CDHR3: variants seen among roughly 807,000 people sequenced by gnomAD.
The protein encoded by CDHR3 is cadherin-related family member 3.
Under a neutral mutation model 86.6 loss-of-function variants are expected in CDHR3, and 79 were observed. That is an observed-to-expected ratio of 0.91 (90% CI 0.76 to 1.10). The LOEUF (loss-of-function observed/expected upper bound fraction) is 1.10, where lower values mean the gene tolerates loss of function less well. CDHR3 is among the 50% of genes least tolerant of loss of function. CDHR3 has a pLI of 0.00. For missense variants in CDHR3, 1,081 were observed against 1,077.6 expected (o/e 1.00, Z -0.04); for synonymous variants, 421 against 402.4 (o/e 1.05, Z -0.55).
intron 1 of CDHR3, among the ~76,000 whole-genome samples, chr7:105,968,114 C>T (rs540454051): frequency 6.6e-6 from 1 of 152,318 alleles, no homozygotes; most frequent in African/African-American, 2.4e-5. Flanking sequence ...ATATAATGTA[C>T]AGAATCACTA....
intron 16 of CDHR3, 178 bp from the exon 17 acceptor site, chr7:106,028,373 T>G (rs73195674): frequency 0.045 from 32,258 of 715,504 alleles, 1,185 homozygotes; most frequent in South Asian, 0.14. Flanking sequence ...GTGTACGTAT[T>G]TTTTTCTGAG....
At chr7:105,992,331 C>T (rs537074048) in intron 4 of CDHR3, among the ~76,000 whole-genome samples, 2 of 152,316 alleles carry the variant, frequency 1.3e-5, no homozygotes, top group South Asian at 2.1e-4. Context: ...TCATATGTAG[C>T]TTAAGGTGCT....
chr7:106,023,037 T>C (rs1053162741), intron 14 of CDHR3, among the ~76,000 whole-genome samples: 1 of 152,210 alleles, frequency 6.6e-6, no homozygotes, highest in African/African-American at 2.4e-5. Flanking sequence ...AGAAAGCTTA[T>C]TGTATAGGCG....
At chr7:105,995,428 C>T (rs6967497) in intron 5 of CDHR3, among the ~76,000 whole-genome samples, 20,357 of 152,186 alleles carry the variant, frequency 0.13, 1,491 homozygotes, top group African/African-American at 0.17. Flanking sequence ...GATGTGGACA[C>T]GGAGAGTGTC....
intron 10 of CDHR3, among the ~76,000 whole-genome samples, chr7:106,015,627 T>C (rs1835491813): frequency 6.6e-6 from 1 of 152,212 alleles, no homozygotes; most frequent in South Asian, 2.1e-4. Context: ...TTTTTGCATA[T>C]GCCTACAACA....
At chr7:106,001,206 T>C (rs1282189906) in intron 6 of CDHR3, among the ~76,000 whole-genome samples, 1 of 152,170 alleles carries the variant, frequency 6.6e-6, no homozygotes, top group Non-Finnish European at 1.5e-5. Flanking sequence ...CAGAGGTGCA[T>C]AGAGTCAGAG....
chr7:105,989,291 C>T (rs1831005235), intron 4 of CDHR3, among the ~76,000 whole-genome samples: 1 of 150,658 alleles, frequency 6.6e-6, no homozygotes, highest in African/African-American at 2.4e-5. Flanking sequence ...CCCACACTCT[C>T]TGCTTCCCCC....
chr7:106,007,895 C>A (rs1164709361), intron 8 of CDHR3, among the ~76,000 whole-genome samples: 1 of 152,166 alleles, frequency 6.6e-6, no homozygotes, highest in African/African-American at 2.4e-5. Flanking sequence ...TAAAGACATA[C>A]CCGAGACTGG....
chr7:105,965,593 T>C (rs1826801555), intron 1 of CDHR3, among the ~76,000 whole-genome samples: 1 of 96,902 alleles, frequency 1.0e-5, no homozygotes, highest in Non-Finnish European at 2.1e-5. Flanking sequence ...TCTTCCTGGA[T>C]TGACCTAGCT....
chr7:105,980,888 G>A, intron 2 of CDHR3, 80 bp from the exon 3 acceptor site: 2 of 1,312,418 alleles, frequency 1.5e-6, no homozygotes, highest in Non-Finnish European at 2.1e-6. Context: ...TCCTTCCTAG[G>A]AATATCCCTT....
chr7:106,028,213 C>A (rs568858219), intron 16 of CDHR3, among the ~76,000 whole-genome samples: 2 of 151,338 alleles, frequency 1.3e-5, no homozygotes, highest in East Asian at 1.9e-4. Flanking sequence ...AAACCCACAC[C>A]TTATGAACAG....
At chr7:105,989,643 T>C (rs1006591931) in intron 4 of CDHR3, among the ~76,000 whole-genome samples, 1 of 152,096 alleles carries the variant, frequency 6.6e-6, no homozygotes. Context: ...GTGTATAAAG[T>C]GGTCATCATA....
At chr7:105,985,533 G>C (rs1830401260) in intron 4 of CDHR3, among the ~76,000 whole-genome samples, 1 of 152,122 alleles carries the variant, frequency 6.6e-6, no homozygotes, top group Non-Finnish European at 1.5e-5. Context: ...AGGAAGAAAT[G>C]AGCCTTGGGA....
rs201638418 is a variant in CDHR3, at chr7:106,015,195, G to GC, written c.1316dup (p.Tyr440LeufsTer3). Reference sequence around the variant, plus strand: ...GGTGATAATCCAGGTGCAGGATGTGGCCCCCCCTTACTATAAAAGCAAGTA... The same window carrying GC: ...GGTGATAATCCAGGTGCAGGATGTGGCCCCCCCCTTACTATAAAAGCAAGTA... On this transcript the variant is annotated frameshift_variant, in exon 10 of 19. Transcript: ENST00000317716. LOFTEE classifies it high-confidence loss of function. The GC allele has an allele frequency of 5.5e-4, 890 of 1,609,084 alleles. 1 individual carries two copies. Among genetic ancestry groups the GC allele is most frequent in the Non-Finnish European group, 7.1e-4 (831 of 1,177,906 alleles).
chr7:105,995,723 A>G (rs753160271), intron 5 of CDHR3, among the ~76,000 whole-genome samples: 148 of 152,084 alleles, frequency 9.7e-4, no homozygotes, highest in Admixed American at 1.8e-3. Context: ...TTTTTCTAAG[A>G]TGTAGTCATT....
At chr7:106,026,838 G>A in intron 16 of CDHR3, 143 bp downstream of exon 16, 2 of 880,978 alleles carry the variant, frequency 2.3e-6, no homozygotes, top group Non-Finnish European at 3.7e-6. Context: ...CTGGAAGGAA[G>A]CGGAGGTCGG....
chr7:105,975,092 T>A, intron 2 of CDHR3, 46 bp downstream of exon 2: 1 of 1,456,356 alleles, frequency 6.9e-7, no homozygotes, highest in Non-Finnish European at 9.6e-7. Context: ...AAAGAGGTGA[T>A]CCTGAAAATG....
chr7:105,972,034 G>T (rs1393708534), intron 1 of CDHR3, among the ~76,000 whole-genome samples: 1 of 152,202 alleles, frequency 6.6e-6, no homozygotes, highest in Non-Finnish European at 1.5e-5. Context: ...GTAGGTATGT[G>T]TAGTCTGTTA....
At chr7:105,967,534 A>C (rs370103036) in intron 1 of CDHR3, among the ~76,000 whole-genome samples, 1,669 of 152,316 alleles carry the variant, frequency 0.011, 22 homozygotes, top group African/African-American at 0.022. Flanking sequence ...CGCCACACTG[A>C]CTTCCACAAT....
Sources: allele counts gnomAD v4.1 joint callset (sites outside exome capture counted in the v4.1 genomes callset), GRCh38; gene constraint gnomAD v4.1.1; transcripts MANE v1.5; gene names NCBI Gene and HGNC (gene_info 2026-07-23, HGNC 2026-07-21).